The following DYSF variants were observed in gnomAD, a reference collection of about 807,000 sequenced individuals.
DYSF encodes dystrophy-associated fer-1-like 1.
In DYSF, 212 loss-of-function variants were observed where a neutral mutation model predicts 274.9. That is an observed-to-expected ratio of 0.77 (90% CI 0.69 to 0.86). DYSF has a LOEUF of 0.86. DYSF is among the 40% of genes least tolerant of loss of function. The probability of loss-of-function intolerance (pLI) is 0.00; values close to 1 mark genes in which losing one functional copy is unlikely to be tolerated. For synonymous variants in DYSF, 1,091 were observed against 1,078.7 expected, an observed-to-expected ratio of 1.01 and a Z score of -0.22; for missense variants, 2,666 against 2,783.2, an observed-to-expected ratio of 0.96 and a Z score of 0.95.
chr2:71,513,758 G>A lies in DYSF; in HGVS notation c.596G>A (p.Gly199Glu). 1.9e-6 allele frequency: 3 copies of A among 1,614,194 alleles called. No individual in the cohort carries two copies. Among genetic ancestry groups the A allele is most frequent in the Non-Finnish European group, 2.5e-6 (3 of 1,180,014 alleles). ...EEDTEDQGLTGDEAEPFLDQS... is the reference protein window; with the variant it reads ...EEDTEDQGLTEDEAEPFLDQS... ...GACACAGAGGACCAGGGACTCACTGGAGATGAGGCGGAGCCATTCCTGGAT... is the reference window on the plus strand; with the variant it reads ...GACACAGAGGACCAGGGACTCACTGAAGATGAGGCGGAGCCATTCCTGGAT... Residue 199 changes from glycine (G) to glutamate (E), a missense_variant, in exon 7 of 56, where the codon GGA becomes GAA. Physicochemically the swap from Gly to Glu is moderately conservative, Grantham distance 98. Coordinates refer to ENST00000410020, the MANE Select transcript of DYSF (RefSeq NM_001130987.2).
intron 1 of DYSF, among the ~76,000 whole-genome samples, chr2:71,479,175 A>ACGTGGTGGCGGGCGCCTGT (rs2082671332): frequency 1.3e-5 from 1 of 76,504 alleles, no homozygotes; most frequent in African/African-American, 3.7e-5. Flanking sequence ...ACCCAAATAA[A>ACGTGGTGGCGGGCGCCTGT]AGTTCTGTGT....
At chr2:71,684,528 C>T (rs977003460) in intron 55 of DYSF, among the ~76,000 whole-genome samples, 6 of 152,164 alleles carry the variant, frequency 3.9e-5, no homozygotes, top group African/African-American at 1.4e-4. Context: ...GTGCTCACTT[C>T]CCTGGGGAGA....
In DYSF at chr2:71,668,750, G is replaced by A. The variant is rs749655069; in HGVS notation, c.5458-4G>A. 2.8e-5 allele frequency: 45 copies of A among 1,613,054 alleles called. No homozygotes were observed. Among genetic ancestry groups the A allele is most frequent in the East Asian group, 8.9e-5 (4 of 44,856 alleles). ...TGGGGAGAGAACGGACCCTGTCTCC[G>A]CAGGGGAAGCTGCAGATGTGGGTCG... On this transcript the variant is annotated splice_region_variant and splice_polypyrimidine_tract_variant and intron_variant, in intron 48 of 55. Coordinates refer to ENST00000410020, the MANE Select transcript of DYSF (RefSeq NM_001130987.2).
At position 71,669,613 on chromosome 2, in the gene DYSF, T is replaced by C. The variant is rs1176671310; in HGVS notation, c.5651T>C (p.Ile1884Thr). The change falls in exon 51 of 56, where the codon ATT (isoleucine) becomes ACT (threonine). Residue 1884 changes from isoleucine (I) to threonine (T), a missense_variant. This residue lies in a region of DYSF where 1,460 missense variants were observed against 1,502.1 expected (regional missense o/e 0.97). Coordinates refer to ENST00000410020, the MANE Select transcript of DYSF (RefSeq NM_001130987.2). Reference sequence around the variant, plus strand: ...AAAACATGTATGTCTAGTTGGATGATTGGCTTTGAAGAACACAAGCAAAAG... The same window carrying C: ...AAAACATGTATGTCTAGTTGGATGACTGGCTTTGAAGAACACAAGCAAAAG... ...MSDIYVKGWM[I>T]GFEEHKQKTD... 13 of 1,614,078 alleles carry C rather than the reference T, an allele frequency of 8.1e-6. No homozygotes were observed. The highest frequency in any genetic ancestry group is 6.7e-5 in the African/African-American group (5 of 74,920).
At chr2:71,642,581 C>T (rs1236906611) in intron 41 of DYSF, among the ~76,000 whole-genome samples, 2 of 152,294 alleles carry the variant, frequency 1.3e-5, no homozygotes, top group East Asian at 3.9e-4. Flanking sequence ...TTCCTCTCTC[C>T]TGGCTGCAGA....
chr2:71,526,417 A>AGGGG, intron 13 of DYSF, 71 bp downstream of exon 13: 1 of 451,848 alleles, frequency 2.2e-6, no homozygotes, highest in East Asian at 6.0e-5. Flanking sequence ...GGGGTGGGCG[A>AGGGG]TGGCGGGCGG....
At chr2:71,549,592 G>C (rs1195510077) in intron 17 of DYSF, among the ~76,000 whole-genome samples, 7 of 151,932 alleles carry the variant, frequency 4.6e-5, no homozygotes, top group Admixed American at 4.6e-4. Flanking sequence ...AATGCTTTAA[G>C]GGGCAATTTC....
At chr2:71,486,185 TG>T (rs1003094552) in intron 3 of DYSF, among the ~76,000 whole-genome samples, 2 of 152,024 alleles carry the variant, frequency 1.3e-5, no homozygotes, top group African/African-American at 4.8e-5. Context: ...GTGTCTTCTG[TG>T]AGCTCCCCCG....
intron 48 of DYSF, among the ~76,000 whole-genome samples, 157 bp from the exon 49 acceptor site, chr2:71,668,597 G>A (rs375175060): frequency 6.6e-6 from 1 of 152,154 alleles, no homozygotes; most frequent in South Asian, 2.1e-4. Flanking sequence ...TCACCTCTGC[G>A]GTTGACCCTG....
intron 4 of DYSF, 118 bp downstream of exon 4, chr2:71,503,437 G>T (rs1467550531): frequency 3.8e-6 from 4 of 1,054,000 alleles, no homozygotes; most frequent in Non-Finnish European, 5.8e-6. Context: ...CTTGAAGCAG[G>T]CCTGGCCCTC....
At chr2:71,490,219 G>C (rs1259383174) in intron 3 of DYSF, among the ~76,000 whole-genome samples, 2 of 152,134 alleles carry the variant, frequency 1.3e-5, no homozygotes, top group Non-Finnish European at 2.9e-5. Context: ...ATTTTTATAA[G>C]TATAAAAGTG....
intron 40 of DYSF, among the ~76,000 whole-genome samples, chr2:71,618,175 AGGT>A (rs1271345424): frequency 2.0e-5 from 1 of 49,064 alleles, no homozygotes; most frequent in Non-Finnish European, 4.0e-5. Context: ...TGTGTGGTAG[AGGT>A]GGGGTATAAG....
In DYSF at chr2:71,632,830, G is replaced by T. The variant is rs532481963; in HGVS notation, c.4528-11135G>T. Among the ~76,000 whole-genome samples, 9 of 152,236 alleles carry T rather than the reference G, an allele frequency of 5.9e-5. No homozygotes were observed. In the South Asian group the frequency reaches 1.5e-3, roughly 25 times the overall value. ...ATTGAGAAAGCACCAGCAACCTCGGGTTCCCCACAGCTCCCCGACTCTCTG... is the reference window on the plus strand; with the variant it reads ...ATTGAGAAAGCACCAGCAACCTCGGTTTCCCCACAGCTCCCCGACTCTCTG... On this transcript the variant is annotated intron_variant, in intron 41 of 55. Coordinates refer to ENST00000410020, the MANE Select transcript of DYSF (RefSeq NM_001130987.2).
intron 1 of DYSF, among the ~76,000 whole-genome samples, chr2:71,479,096 G>A: frequency 6.7e-6 from 1 of 149,560 alleles, no homozygotes; most frequent in East Asian, 2.0e-4. Flanking sequence ...GAGCCATCCA[G>A]GTGGAGACCA....
rs1187921086 is a variant in DYSF, at chr2:71,686,588, C to T, written c.*96C>T. 6.9e-7 allele frequency: 1 copy of T among 1,441,640 alleles called. No homozygotes were observed. The highest frequency in any genetic ancestry group is 9.7e-7 in the Non-Finnish European group (1 of 1,029,556). 89.3% of individuals were successfully genotyped at this position (1,441,640 alleles called of 1,614,324 possible). A position where few individuals can be genotyped will look rare whatever the true frequency, so the allele number is the denominator to read the frequency against. On this transcript the variant is annotated 3_prime_UTR_variant, in exon 56 of 56. Transcript: ENST00000410020. ...AGCTCGGCGAGCTCCTCCAGACCTC[C>T]TAGGCCTGATTGTCCTGCCAGGGTG... is the stretch of plus-strand genomic sequence containing the variant.
chr2:71,672,510 C>T (rs1573121843), intron 51 of DYSF, among the ~76,000 whole-genome samples: 3 of 152,184 alleles, frequency 2.0e-5, no homozygotes, highest in African/African-American at 7.2e-5. Context: ...ACTGGTTGCC[C>T]CGGCCAGGCT....
rs961077518 is a variant in DYSF at position 71,590,435 on chromosome 2, AG to A, written c.3574+149del. 1.0e-4 allele frequency: 84 copies of A among 841,442 alleles called. No homozygotes were observed. In the Admixed American group the frequency reaches 1.6e-3, roughly 16 times the overall value. 52.1% of individuals were successfully genotyped at this position (841,442 alleles called of 1,614,324 possible). On this transcript the variant is annotated intron_variant, in intron 32 of 55. Transcript: ENST00000410020. ...AGGGTCCTGTGGCTTCTTGGTCGTCAGGTGCAGCAAACTCTTGTCCATGGCC... is the reference window on the plus strand; with the variant it reads ...AGGGTCCTGTGGCTTCTTGGTCGTCAGTGCAGCAAACTCTTGTCCATGGCC...
At chr2:71,633,026 G>A (rs2094340923) in intron 41 of DYSF, among the ~76,000 whole-genome samples, 1 of 152,236 alleles carries the variant, frequency 6.6e-6, no homozygotes, top group South Asian at 2.1e-4. Context: ...CCAGAAATCA[G>A]AGTAGGTGGA....
At chr2:71,478,629 T>C (rs2082611243) in intron 1 of DYSF, among the ~76,000 whole-genome samples, 1 of 152,126 alleles carries the variant, frequency 6.6e-6, no homozygotes, top group Non-Finnish European at 1.5e-5. Flanking sequence ...AATTTCATGA[T>C]TTTTTCCATG....
Sources: gnomAD v4.1 joint callset for allele counts (sites outside exome capture counted in the v4.1 genomes callset) on GRCh38, gnomAD v4.1.1 for gene constraint, gnomAD v4.1.1 regional missense constraint, MANE v1.5 for transcripts, NCBI Gene and HGNC (gene_info 2026-07-23, HGNC 2026-07-21) for gene names.